The following VAV2 variants were observed in gnomAD, a reference collection of about 807,000 sequenced individuals.
The protein encoded by VAV2 is vav guanine nucleotide exchange factor 2.
In VAV2, 67 loss-of-function variants were observed where a neutral mutation model predicts 132.5. The observed-to-expected ratio is 0.51, with a 90% CI of 0.42 to 0.62. The LOEUF (loss-of-function observed/expected upper bound fraction) is 0.62, where lower values mean the gene tolerates loss of function less well. VAV2 is among the 20% of genes least tolerant of loss of function. VAV2 has a pLI of 0.00. For missense variants in VAV2, 938 were observed against 1,153.6 expected, an observed-to-expected ratio of 0.81 and a Z score of 2.71; for synonymous variants, 492 against 443.5, an observed-to-expected ratio of 1.11 and a Z score of -1.37.
intron 1 of VAV2, among the ~76,000 whole-genome samples, chr9:133,955,337 C>T (rs1297130923): frequency 2.0e-5 from 3 of 151,684 alleles, no homozygotes; most frequent in Admixed American, 6.6e-5. Context: ...CTCCTGGCTG[C>T]GGAAGCTGAG....
In VAV2 at chr9:133,783,580, T is replaced by C. The variant is rs1385769740; in HGVS notation, c.1646A>G (p.Tyr549Cys). ...ACACTTGGTACACATGTATCCCTGG[T>C]AGAAGGTGCCCCTGCACAGGGGAGG... is the stretch of plus-strand genomic sequence containing the variant. ...ACKMFLRGTF[Y>C]QGYMCTKCGV... is the part of the protein sequence containing the mutation. The change falls in exon 19 of 30, where the codon TAC (tyrosine) becomes TGC (cysteine). Residue 549 changes from tyrosine (Y) to cysteine (C), a missense_variant. Physicochemically the swap from Tyr to Cys is radical, Grantham distance 194. Coordinates refer to ENST00000371850, the MANE Select transcript of VAV2 (RefSeq NM_001134398.2). The C allele has an allele frequency of 6.2e-7, 1 of 1,613,844 alleles. No individual in the cohort carries two copies. Among genetic ancestry groups the C allele is most frequent in the Admixed American group, 1.7e-5 (1 of 60,014 alleles).
At position 133,804,928 on chromosome 9, in the gene VAV2, G is replaced by A. The variant is rs888257050; in HGVS notation, c.836+1153C>T. ...GCACTGCCTGCTCCCTCGTGTCTCC[G>A]GGAACCCTCCAAGCCATGGCCCCTG... is the stretch of plus-strand genomic sequence containing the variant. On this transcript the variant is annotated intron_variant, in intron 9 of 29. Coordinates refer to ENST00000371850, the MANE Select transcript of VAV2 (RefSeq NM_001134398.2). This position sits in a 1 kb window ranked among gnomAD's most constrained non-coding sequence, Gnocchi z 4.5. Among the ~76,000 whole-genome samples the A allele has an allele frequency of 1.3e-5, 2 of 152,132 alleles. No individual in the cohort carries two copies. The highest frequency in any genetic ancestry group is 4.8e-5 in the African/African-American group (2 of 41,438).
intron 22 of VAV2, among the ~76,000 whole-genome samples, chr9:133,778,169 G>C (rs1833882121): frequency 1.2e-5 from 1 of 81,254 alleles, no homozygotes; most frequent in Admixed American, 1.2e-4. Flanking sequence ...GCTGAAGGTG[G>C]GGATGAACGC....
At chr9:133,911,516 C>T (rs1839883802) in intron 2 of VAV2, among the ~76,000 whole-genome samples, 1 of 152,202 alleles carries the variant, frequency 6.6e-6, no homozygotes, top group Admixed American at 6.5e-5. Flanking sequence ...CATATGTACA[C>T]ACCCGTGACA....
intron 9 of VAV2, 32 bp downstream of exon 9, chr9:133,806,049 C>A (rs1835125902): frequency 1.3e-6 from 2 of 1,599,776 alleles, no homozygotes; most frequent in East Asian, 4.5e-5. Flanking sequence ...CAGGGAGGGG[C>A]CAAGGAGCCC....
chr9:133,806,053 G>A, intron 9 of VAV2, 28 bp downstream of exon 9: 2 of 1,597,668 alleles, frequency 1.3e-6, no homozygotes, highest in Non-Finnish European at 1.7e-6. Flanking sequence ...GAGGGGCCAA[G>A]GAGCCCCAGG....
chr9:133,778,953 G>A lies in VAV2; in HGVS notation c.1763-64C>T, dbSNP rs182533388. Reference sequence around the variant, plus strand: ...CTCACTCGGTGACTGACTTGGCCCCGGCCCGCAGCCCACCCCATCACCAAG... The same window carrying A: ...CTCACTCGGTGACTGACTTGGCCCCAGCCCGCAGCCCACCCCATCACCAAG... On this transcript the variant is annotated intron_variant, in intron 21 of 29. Coordinates refer to ENST00000371850, the MANE Select transcript of VAV2 (RefSeq NM_001134398.2). The A allele has an allele frequency of 5.8e-4, 911 of 1,580,920 alleles. 8 individuals are homozygous for A. In the East Asian group the frequency reaches 0.016, roughly 28 times the overall value.
chr9:133,894,357 G>C (rs1474964266), intron 2 of VAV2, among the ~76,000 whole-genome samples: 2 of 152,222 alleles, frequency 1.3e-5, no homozygotes, highest in Non-Finnish European at 1.5e-5. Flanking sequence ...CTTCAACAAA[G>C]GCTGGTGACA....
In VAV2 at chr9:133,827,275, G is replaced by A. The variant is rs112943050; in HGVS notation, c.449+6997C>T. On this transcript the variant is annotated intron_variant, in intron 4 of 29. Transcript: ENST00000371850. The stretch of plus-strand genomic sequence containing the variant: ...CGGGGGCATCACCACCTACCGCTGC[G>A]CCCACTGAGGCTGACCACTGAGTGG... 2.4e-4 allele frequency among the ~76,000 whole-genome samples: 6 copies of A among 25,454 alleles called. 1 individual carries two copies. The African/African-American group carries it at 2.5e-3, about 10-fold the overall frequency. The allele number at this position is 25,454 out of a possible 152,430, so 16.7% of individuals were successfully genotyped here. A position where few individuals can be genotyped will look rare whatever the true frequency, so the allele number is the denominator to read the frequency against.
intron 9 of VAV2, among the ~76,000 whole-genome samples, chr9:133,798,205 C>A (rs1037992042): frequency 6.6e-6 from 1 of 152,182 alleles, no homozygotes; most frequent in Non-Finnish European, 1.5e-5. Flanking sequence ...ATCTTGCCCC[C>A]AGGCCCTGAG....
At chr9:133,785,726 C>A (rs1434106384) in intron 17 of VAV2, 50 bp downstream of exon 17, 1 of 1,566,960 alleles carries the variant, frequency 6.4e-7, no homozygotes, top group South Asian at 1.1e-5. Flanking sequence ...CTTCCACCCC[C>A]CATACAACTC....
chr9:133,861,387 T>A lies in VAV2; in HGVS notation c.367A>T (p.Asn123Tyr). Residue 123 changes from asparagine (N) to tyrosine (Y), a missense_variant, in exon 3 of 30, where the codon AAC becomes TAC. Transcript: ENST00000371850. ...SRLSLHSIAQ[N>Y]KGIRPFPSEE... ...CGGAGAGCTCACCTGATCCCTTTGT[T>A]CTGCGCGATGCTGTGCAGGGAGAGC... The A allele has an allele frequency of 6.2e-7, 1 of 1,613,242 alleles. No homozygotes were observed. Among genetic ancestry groups the A allele is most frequent in the Non-Finnish European group, 8.5e-7 (1 of 1,179,646 alleles).
rs1288758168 is a variant in VAV2 at position 133,840,171 on chromosome 9, C to T, written c.381-5831G>A. On this transcript the variant is annotated intron_variant, in intron 3 of 29. Transcript: ENST00000371850. The surrounding 1 kb of genome is among the most constrained non-coding windows in gnomAD (Gnocchi z 4.5). ...TCCTGAGAGCAGTCATCCTGGCTCC[C>T]CAGGGGCGGCTGCATCCCTCTCCTC... Among the ~76,000 whole-genome samples, 1 of 152,232 alleles carries T rather than the reference C, an allele frequency of 6.6e-6. No individual in the cohort carries two copies. The highest frequency in any genetic ancestry group is 1.5e-5 in the Non-Finnish European group (1 of 68,034).
At chr9:133,765,717 G>A (rs945148625) in intron 29 of VAV2, among the ~76,000 whole-genome samples, 1 of 152,186 alleles carries the variant, frequency 6.6e-6, no homozygotes, top group Non-Finnish European at 1.5e-5. Flanking sequence ...TTAGATAATT[G>A]TATTATATCA....
intron 1 of VAV2, among the ~76,000 whole-genome samples, chr9:133,978,103 G>A (rs1400213092): frequency 1.3e-5 from 2 of 152,256 alleles, no homozygotes; most frequent in Non-Finnish European, 2.9e-5. Context: ...GACCAGGAGC[G>A]GGGAGGCACA....
In VAV2 at chr9:133,879,874, T is replaced by G. The variant is rs1395171078; in HGVS notation, c.322-18442A>C. 2.6e-5 allele frequency among the ~76,000 whole-genome samples: 4 copies of G among 152,242 alleles called. No individual in the cohort carries two copies. The highest frequency in any genetic ancestry group is 6.5e-5 in the Admixed American group (1 of 15,286). On this transcript the variant is annotated intron_variant, in intron 2 of 29. Transcript: ENST00000371850. This position sits in a 1 kb window ranked among gnomAD's most constrained non-coding sequence, Gnocchi z 4.4. The stretch of plus-strand genomic sequence containing the variant: ...CAGACGAAGCTCTGGCATCCAGATT[T>G]GCTTCCAAGCGGTTTTACCTTGATG...
intron 1 of VAV2, among the ~76,000 whole-genome samples, chr9:133,983,899 G>A (rs1842776119): frequency 1.3e-5 from 2 of 152,034 alleles, no homozygotes; most frequent in Admixed American, 1.3e-4. Context: ...CTCCAAGGAG[G>A]CTTTTCAGAT....
At chr9:133,842,594 T>C (rs1836768359) in intron 3 of VAV2, among the ~76,000 whole-genome samples, 1 of 152,170 alleles carries the variant, frequency 6.6e-6, no homozygotes, top group Non-Finnish European at 1.5e-5. Flanking sequence ...AGTGTTTCCA[T>C]TTATGGTGCT....
intron 3 of VAV2, among the ~76,000 whole-genome samples, chr9:133,854,279 A>G (rs1410739780): frequency 3.8e-5 from 5 of 132,290 alleles, no homozygotes; most frequent in African/African-American, 1.8e-4. Context: ...ACATACCCAT[A>G]TGCACACACA....
Sources: allele counts gnomAD v4.1 joint callset (sites outside exome capture counted in the v4.1 genomes callset), GRCh38; gene constraint gnomAD v4.1.1; non-coding constraint Gnocchi (gnomAD v3.1); transcripts MANE v1.5; gene names NCBI Gene and HGNC (gene_info 2026-07-23, HGNC 2026-07-21).